RASGEF1A: variants seen among roughly 807,000 people sequenced by gnomAD.
The protein encoded by RASGEF1A is RasGEF domain family member 1A, also known as ras-GEF domain-containing family member 1A.
In RASGEF1A, 18 loss-of-function variants were observed where a neutral mutation model predicts 56.4. That is an observed-to-expected ratio of 0.32 (90% CI 0.22 to 0.47). The LOEUF (loss-of-function observed/expected upper bound fraction) is 0.47. Among genes scored for constraint, RASGEF1A ranks in the 20% least tolerant of loss-of-function variants. The pLI is 1.00. For missense variants in RASGEF1A, 422 were observed against 627.1 expected (o/e 0.67, Z 3.49); for synonymous variants, 245 against 242.6 (o/e 1.01, Z -0.09).
At chr10:43,221,122 C>T (rs148166629) in intron 1 of RASGEF1A, among the ~76,000 whole-genome samples, 1 of 152,268 alleles carries the variant, frequency 6.6e-6, no homozygotes, top group Admixed American at 6.5e-5. Context: ...TCCCTCCACC[C>T]GGGGGTCTGC....
chr10:43,222,449 A>G (rs1840220991), intron 1 of RASGEF1A, among the ~76,000 whole-genome samples: 1 of 152,180 alleles, frequency 6.6e-6, no homozygotes, highest in South Asian at 2.1e-4. Flanking sequence ...GGTTGGGTCC[A>G]TCACCAATGG....
At position 43,235,212 on chromosome 10, in the gene RASGEF1A, C is replaced by A. The variant is rs369530758; in HGVS notation, c.-6-29090G>T. ...TGGGAGTCAGCTGAGCTTTCTGATGCGCAAGGCAACATCCTTCCAGGCACC... is the reference window on the plus strand; with the variant it reads ...TGGGAGTCAGCTGAGCTTTCTGATGAGCAAGGCAACATCCTTCCAGGCACC... On this transcript the variant is annotated intron_variant, in intron 1 of 12. Transcript: ENST00000395810. Among the ~76,000 whole-genome samples, 2 of 152,354 alleles carry A rather than the reference C, an allele frequency of 1.3e-5. 1 individual carries two copies. The highest frequency in any genetic ancestry group is 4.1e-4 in the South Asian group (2 of 4,832).
intron 1 of RASGEF1A, chr10:43,229,548 G>T: frequency 8.5e-7 from 1 of 1,173,100 alleles, no homozygotes; most frequent in South Asian, 1.4e-5. Context: ...GCACGGGTCG[G>T]GATGCAGGGG....
At chr10:43,216,184 C>T (rs1402778232) in intron 1 of RASGEF1A, among the ~76,000 whole-genome samples, 11 of 152,180 alleles carry the variant, frequency 7.2e-5, no homozygotes. Context: ...CCCACCCTGC[C>T]AGGAGCGGGG....
chr10:43,253,131 G>C (rs59762957), intron 1 of RASGEF1A, among the ~76,000 whole-genome samples: 5 of 152,060 alleles, frequency 3.3e-5, no homozygotes. Context: ...CACGCCCACC[G>C]TAGCAAGGCC....
chr10:43,265,832 C>CT (rs1324233975), intron 1 of RASGEF1A, among the ~76,000 whole-genome samples: 1 of 152,248 alleles, frequency 6.6e-6, no homozygotes, highest in Non-Finnish European at 1.5e-5. Context: ...CGGGAGAACC[C>CT]TGGGGGGACA....
At chr10:43,223,702 C>A (rs549651686) in intron 1 of RASGEF1A, among the ~76,000 whole-genome samples, 31 of 152,250 alleles carry the variant, frequency 2.0e-4, no homozygotes, top group African/African-American at 5.5e-4. Context: ...TCAAGGATAA[C>A]CCTCTTGCAA....
intron 1 of RASGEF1A, chr10:43,207,306 T>A: frequency 1.0e-6 from 1 of 985,260 alleles, no homozygotes; most frequent in Non-Finnish European, 1.2e-6. Flanking sequence ...CATGATTACT[T>A]CAGTGCCATG....
rs1222961452 is a variant in RASGEF1A at position 43,210,948 on chromosome 10, C to CCCA, written c.-6-4827_-6-4826insTGG. 6.9e-4 allele frequency among the ~76,000 whole-genome samples: 97 copies of CCCA among 141,204 alleles called. 2 individuals are homozygous for CCCA. The highest frequency in any genetic ancestry group is 2.2e-3 in the African/African-American group (83 of 37,678). 92.6% of individuals were successfully genotyped at this position (141,204 alleles called of 152,430 possible). On this transcript the variant is annotated intron_variant, in intron 1 of 12. Coordinates refer to ENST00000395810, the MANE Select transcript of RASGEF1A (RefSeq NM_145313.4). ...GCAGGGAGTTGGGGACAGGCTTGCA[C>CCCA]GCAGTAGCCCCTCTGACTCCTTGGA...
intron 1 of RASGEF1A, among the ~76,000 whole-genome samples, chr10:43,264,762 C>T (rs1172804838): frequency 1.3e-5 from 2 of 151,986 alleles, no homozygotes; most frequent in Non-Finnish European, 2.9e-5. Context: ...AGCAGCCCAG[C>T]GCCCCTCCCC....
intron 1 of RASGEF1A, among the ~76,000 whole-genome samples, chr10:43,258,460 C>A (rs1435212942): frequency 1.3e-5 from 2 of 152,228 alleles, no homozygotes; most frequent in East Asian, 3.8e-4. Flanking sequence ...CAACCCAGTG[C>A]CCCACCTACC....
At chr10:43,262,793 G>C (rs546347687) in intron 1 of RASGEF1A, among the ~76,000 whole-genome samples, 1 of 152,348 alleles carries the variant, frequency 6.6e-6, no homozygotes, top group South Asian at 2.1e-4. Flanking sequence ...CCCTGAGTAG[G>C]GGAACAGACT....
chr10:43,203,885 T>C (rs1588929890), intron 2 of RASGEF1A: 4 of 643,994 alleles, frequency 6.2e-6, no homozygotes, highest in Middle Eastern at 8.0e-4. Context: ...GCAGGGCTGA[T>C]CCATGGGGCG....
In RASGEF1A at chr10:43,199,745, G is replaced by T. The variant is rs201765175; in HGVS notation, c.780C>A (p.Thr260=). Residue 260 remains threonine, a synonymous_variant, in exon 7 of 13, where the codon ACC becomes ACA. Coordinates refer to ENST00000395810, the MANE Select transcript of RASGEF1A (RefSeq NM_145313.4). The part of the protein sequence containing the change: ...NHRCRGDLTK[T]YSLEAYDNWF... Reference sequence around the variant, plus strand: ...AGTTGTCATAGGCCTCCAGGCTGTAGGTCTTGGTCAGGTCCCCTCGGCACT... The same window carrying T: ...AGTTGTCATAGGCCTCCAGGCTGTATGTCTTGGTCAGGTCCCCTCGGCACT... 2 of 1,613,692 alleles carry T rather than the reference G, an allele frequency of 1.2e-6. No homozygotes were observed. The highest frequency in any genetic ancestry group is 1.7e-6 in the Non-Finnish European group (2 of 1,180,014).
In RASGEF1A at chr10:43,225,791, T is replaced by C. The variant is rs186037271; in HGVS notation, c.-6-19669A>G. ...CATGCCAGTCCCTGTTTTAAGGACA[T>C]CTGTTGTATGTGGCCCCAGGGAGGT... On this transcript the variant is annotated intron_variant, in intron 1 of 12. Coordinates refer to ENST00000395810, the MANE Select transcript of RASGEF1A (RefSeq NM_145313.4). Among the ~76,000 whole-genome samples, 12 of 152,230 alleles carry C rather than the reference T, an allele frequency of 7.9e-5. No homozygotes were observed. In the East Asian group the frequency reaches 1.7e-3, roughly 22 times the overall value.
chr10:43,211,320 C>T (rs1430215581), intron 1 of RASGEF1A, among the ~76,000 whole-genome samples: 1 of 152,140 alleles, frequency 6.6e-6, no homozygotes, highest in East Asian at 1.9e-4. Flanking sequence ...GAAGGGGGTC[C>T]TCCCTGTATC....
At chr10:43,213,722 G>A (rs956671049) in intron 1 of RASGEF1A, among the ~76,000 whole-genome samples, 2 of 152,200 alleles carry the variant, frequency 1.3e-5, no homozygotes, top group Non-Finnish European at 1.5e-5. Flanking sequence ...TGCCTCACAG[G>A]TTCAAGCGAT....
chr10:43,199,638 A>G, intron 7 of RASGEF1A, 38 bp downstream of exon 7: 1 of 1,539,060 alleles, frequency 6.5e-7, no homozygotes, highest in Non-Finnish European at 9.0e-7. Context: ...GGGTGTGGGC[A>G]TGGCAGCCAC....
chr10:43,199,588 T>G, intron 7 of RASGEF1A, 88 bp downstream of exon 7: 3 of 1,079,056 alleles, frequency 2.8e-6, no homozygotes, highest in Non-Finnish European at 4.2e-6. Context: ...ACTCTTAAAG[T>G]TCCATCATCT....
Sources: allele counts gnomAD v4.1 joint callset (sites outside exome capture counted in the v4.1 genomes callset), GRCh38; gene constraint gnomAD v4.1.1; transcripts MANE v1.5; gene names NCBI Gene and HGNC (gene_info 2026-07-23, HGNC 2026-07-21).